PTPRN2: variants seen among roughly 807,000 people sequenced by gnomAD.
PTPRN2 encodes receptor-type tyrosine-protein phosphatase N2.
A neutral mutation model predicts 118.8 loss-of-function variants in PTPRN2; 74 were observed. The ratio of observed to expected loss-of-function variants is 0.62; its 90% CI spans 0.52 to 0.76. The LOEUF (loss-of-function observed/expected upper bound fraction) is 0.76, where lower values mean the gene tolerates loss of function less well. Among genes scored for constraint, PTPRN2 ranks in the 30% least tolerant of loss-of-function variants. The probability of loss-of-function intolerance (pLI) is 0.00; values close to 1 mark genes in which losing one functional copy is unlikely to be tolerated. For missense variants in PTPRN2, 1,481 were observed against 1,394.4 expected, an observed-to-expected ratio of 1.06 and a Z score of -0.99; for synonymous variants, 641 against 608.0, an observed-to-expected ratio of 1.05 and a Z score of -0.80.
intron 5 of PTPRN2, 112 bp from the exon 6 acceptor site, chr7:158,167,403 C>CA: frequency 7.4e-7 from 1 of 1,349,406 alleles, no homozygotes; most frequent in East Asian, 2.4e-5. Flanking sequence ...CCTGGGGGTA[C>CA]AAAGATGCCC....
intron 11 of PTPRN2, among the ~76,000 whole-genome samples, chr7:158,067,241 G>A (rs187489429): frequency 6.6e-6 from 1 of 152,352 alleles, no homozygotes; most frequent in East Asian, 1.9e-4. Flanking sequence ...CCTGCACCCA[G>A]GGTGTCTCCT....
At chr7:157,588,567 A>C (rs12672385) in intron 17 of PTPRN2, among the ~76,000 whole-genome samples, 3,469 of 152,234 alleles carry the variant, frequency 0.023, 118 homozygotes, top group East Asian at 0.13. Context: ...GAAGGTGCAG[A>C]CCTTGCTTCC....
At chr7:157,876,380 G>A (rs949157253) in intron 12 of PTPRN2, among the ~76,000 whole-genome samples, 4 of 152,232 alleles carry the variant, frequency 2.6e-5, no homozygotes, top group Admixed American at 2.6e-4. Flanking sequence ...CCAGGACAGA[G>A]TCTGTCACCA....
intron 12 of PTPRN2, among the ~76,000 whole-genome samples, chr7:157,713,683 T>C (rs542135139): frequency 5.6e-4 from 86 of 152,240 alleles, no homozygotes; most frequent in Admixed American, 1.4e-3. Flanking sequence ...CCTTTCTGAA[T>C]GTTTGTCCAA....
At chr7:158,548,097 A>T (rs1218961565) in intron 1 of PTPRN2, among the ~76,000 whole-genome samples, 1 of 152,210 alleles carries the variant, frequency 6.6e-6, no homozygotes, top group Non-Finnish European at 1.5e-5. Context: ...TCAGACTCAA[A>T]GCGGCCAGCA....
chr7:158,271,097 CTG>C (rs1282574886), intron 3 of PTPRN2, among the ~76,000 whole-genome samples: 2 of 128,690 alleles, frequency 1.6e-5, no homozygotes, highest in East Asian at 2.2e-4. Context: ...TCCACCTGGG[CTG>C]CCCCCTCCAC....
At chr7:158,539,897 C>G in intron 1 of PTPRN2, 1 of 214,736 alleles carries the variant, frequency 4.7e-6, no homozygotes. Flanking sequence ...GAGCCTGCAG[C>G]TGGTGACAGC....
chr7:158,149,582 C>G (rs557021156), intron 6 of PTPRN2, among the ~76,000 whole-genome samples: 47 of 152,194 alleles, frequency 3.1e-4, no homozygotes, highest in African/African-American at 1.1e-3. Context: ...GTGGGTGGAT[C>G]ACCTGAGGTC....
At chr7:157,853,922 G>A (rs1051368410) in intron 12 of PTPRN2, among the ~76,000 whole-genome samples, 1 of 152,124 alleles carries the variant, frequency 6.6e-6, no homozygotes, top group African/African-American at 2.4e-5. Context: ...GCGGAGATGC[G>A]GACACGGGGC....
At chr7:158,208,647 C>T (rs577425843) in intron 3 of PTPRN2, among the ~76,000 whole-genome samples, 2 of 152,266 alleles carry the variant, frequency 1.3e-5, no homozygotes, top group Non-Finnish European at 2.9e-5. Context: ...ATAAGAAATG[C>T]TAAAGGGATT....
intron 11 of PTPRN2, among the ~76,000 whole-genome samples, chr7:157,963,873 T>C (rs1801712904): frequency 6.6e-6 from 1 of 152,218 alleles, no homozygotes; most frequent in South Asian, 2.1e-4. Flanking sequence ...CCTTTTGTTT[T>C]GTTTTATTTT....
chr7:157,828,257 C>T (rs533536416), intron 12 of PTPRN2, among the ~76,000 whole-genome samples: 7 of 152,330 alleles, frequency 4.6e-5, no homozygotes, highest in Non-Finnish European at 8.8e-5. Flanking sequence ...TGTCCGGATG[C>T]CCCTGCTGTA....
intron 1 of PTPRN2, among the ~76,000 whole-genome samples, chr7:158,577,335 C>G (rs1382978063): frequency 1.4e-5 from 2 of 141,238 alleles, no homozygotes; most frequent in Non-Finnish European, 3.1e-5. Context: ...ACACTGAGGG[C>G]TGCCCACCCT....
chr7:158,327,229 T>G (rs1188606476), intron 2 of PTPRN2, among the ~76,000 whole-genome samples: 2 of 148,092 alleles, frequency 1.4e-5, no homozygotes, highest in East Asian at 4.1e-4. Flanking sequence ...ACGTAAACAT[T>G]CTCATATCCA....
chr7:158,420,422 C>T (rs1176401734), intron 2 of PTPRN2, among the ~76,000 whole-genome samples: 1 of 152,172 alleles, frequency 6.6e-6, no homozygotes, highest in African/African-American at 2.4e-5. Context: ...TTGTCTTTTC[C>T]TGGGCTTGGG....
intron 11 of PTPRN2, among the ~76,000 whole-genome samples, chr7:157,991,464 C>T (rs189200778): frequency 3.3e-5 from 5 of 152,354 alleles, no homozygotes; most frequent in Admixed American, 1.3e-4. Flanking sequence ...CTCCTCTACA[C>T]GTCCTCTTCA....
chr7:157,784,817 C>T lies in PTPRN2; in HGVS notation c.1789-101880G>A, dbSNP rs546417564. 7.9e-4 allele frequency among the ~76,000 whole-genome samples: 121 copies of T among 152,266 alleles called. No homozygotes were observed. The highest frequency in any genetic ancestry group is 3.4e-4 in the Non-Finnish European group (23 of 68,016). On this transcript the variant is annotated intron_variant, in intron 12 of 22. Coordinates refer to ENST00000389418, the MANE Select transcript of PTPRN2 (RefSeq NM_002847.5). This position sits in a 1 kb window ranked among gnomAD's most constrained non-coding sequence, Gnocchi z 4.6. ...AGCTAATGGAAGGAAATGAACCCAT[C>T]GTGTGGGGCGACATAGGGGCCCAGG...
At chr7:157,949,443 C>T (rs12698114) in intron 11 of PTPRN2, among the ~76,000 whole-genome samples, 47,229 of 152,188 alleles carry the variant, frequency 0.31, 8,910 homozygotes, top group Non-Finnish European at 0.44. Flanking sequence ...TTGTTGAGAA[C>T]ATGGACAGGA....
At chr7:157,930,455 A>C (rs1357063108) in intron 11 of PTPRN2, among the ~76,000 whole-genome samples, 1 of 152,156 alleles carries the variant, frequency 6.6e-6, no homozygotes, top group Non-Finnish European at 1.5e-5. Context: ...AGGATGCTGG[A>C]GTCAGGTTTC....
Sources: allele counts gnomAD v4.1 joint callset (sites outside exome capture counted in the v4.1 genomes callset), GRCh38; gene constraint gnomAD v4.1.1; non-coding constraint Gnocchi (gnomAD v3.1); transcripts MANE v1.5; gene names NCBI Gene and HGNC (gene_info 2026-07-23, HGNC 2026-07-21).